Variants in PKHD1 observed in about 807,000 individuals in gnomAD.
PKHD1 encodes the protein fibrocystin.
A neutral mutation model predicts 412.0 loss-of-function variants in PKHD1; 291 were observed. The observed-to-expected ratio is 0.71, with a 90% CI of 0.64 to 0.78. PKHD1 has a LOEUF of 0.78. PKHD1 is among the 30% of genes least tolerant of loss of function. The probability of loss-of-function intolerance (pLI) is 0.00; values close to 1 mark genes in which losing one functional copy is unlikely to be tolerated. For missense variants in PKHD1, 4,825 were observed against 4,950.7 expected (o/e 0.97, Z 0.76); for synonymous variants, 1,777 against 1,821.5 (o/e 0.98, Z 0.62).
intron 36 of PKHD1, among the ~76,000 whole-genome samples, chr6:51,958,487 C>G (rs1791502225): frequency 6.6e-6 from 1 of 152,076 alleles, no homozygotes; most frequent in Non-Finnish European, 1.5e-5. Context: ...TCTGATGCCT[C>G]TTCTCTGTTT....
At chr6:51,896,795 T>C (rs1305072173) in intron 43 of PKHD1, among the ~76,000 whole-genome samples, 1 of 150,112 alleles carries the variant, frequency 6.7e-6, no homozygotes, top group Non-Finnish European at 1.5e-5. Context: ...ATAACTAGAA[T>C]AACCAATACA....
chr6:51,955,189 T>TA (rs1369748620), intron 36 of PKHD1, among the ~76,000 whole-genome samples: 2 of 144,832 alleles, frequency 1.4e-5, no homozygotes, highest in African/African-American at 5.0e-5. Context: ...ACGGTGCCCC[T>TA]AAAAAATATT....
intron 33 of PKHD1, 83 bp from the exon 34 acceptor site, chr6:52,017,712 T>A (rs1800769536): frequency 5.9e-6 from 6 of 1,016,312 alleles, no homozygotes; most frequent in Non-Finnish European, 9.4e-6. Flanking sequence ...AGTTCCTGTG[T>A]CCTCCTTTGA....
intron 51 of PKHD1, among the ~76,000 whole-genome samples, chr6:51,834,424 C>T (rs1481286462): frequency 5.3e-5 from 8 of 151,822 alleles, no homozygotes; most frequent in Non-Finnish European, 7.4e-5. Context: ...GCACTTAGTA[C>T]GGGTACATAT....
intron 37 of PKHD1, among the ~76,000 whole-genome samples, chr6:51,921,690 C>T (rs1383229244): frequency 6.6e-6 from 1 of 152,194 alleles, no homozygotes; most frequent in Non-Finnish European, 1.5e-5. Context: ...TCTTCAATCA[C>T]TGATACCCTT....
intron 34 of PKHD1, among the ~76,000 whole-genome samples, chr6:52,016,635 CAAAAAA>C (rs10579713): frequency 3.4e-5 from 4 of 118,918 alleles, no homozygotes; most frequent in Non-Finnish European, 3.4e-5. Flanking sequence ...GACTCTGTCT[CAAAAAA>C]AAAAAAAAAA....
chr6:52,069,434 T>A, intron 11 of PKHD1, 23 bp downstream of exon 11: 1 of 1,559,728 alleles, frequency 6.4e-7, no homozygotes, highest in Middle Eastern at 1.7e-4. Context: ...AGGGAAGGGG[T>A]ACTTGGTGAA....
intron 37 of PKHD1, among the ~76,000 whole-genome samples, chr6:51,921,720 G>A (rs980103274): frequency 2.0e-5 from 3 of 151,738 alleles, no homozygotes; most frequent in Non-Finnish European, 2.9e-5. Context: ...TGATTAAATC[G>A]GCTACTGAAG....
At chr6:51,822,092 A>G (rs556640791) in intron 52 of PKHD1, among the ~76,000 whole-genome samples, 1 of 152,234 alleles carries the variant, frequency 6.6e-6, no homozygotes, top group Non-Finnish European at 1.5e-5. Context: ...ACCTGAGCCT[A>G]TTAATTTAGA....
intron 16 of PKHD1, 37 bp from the exon 17 acceptor site, chr6:52,057,016 G>T: frequency 7.5e-7 from 1 of 1,326,120 alleles, no homozygotes; most frequent in Non-Finnish European, 1.1e-6. Flanking sequence ...AAATGATGGT[G>T]CTAATTAAGC....
chr6:51,632,432 T>C (rs1190040733), intron 65 of PKHD1, 133 bp downstream of exon 65: 6 of 703,616 alleles, frequency 8.5e-6, no homozygotes, highest in Admixed American at 8.0e-5. Context: ...CAATTTGGCT[T>C]TGTGTAATTT....
chr6:51,849,394 C>G (rs545553248), intron 49 of PKHD1, among the ~76,000 whole-genome samples: 29 of 152,132 alleles, frequency 1.9e-4, no homozygotes, highest in South Asian at 8.3e-4. Context: ...ATTTATAATC[C>G]TTTGGGTACA....
intron 52 of PKHD1, among the ~76,000 whole-genome samples, chr6:51,796,029 A>G (rs149284859): frequency 1.5e-3 from 230 of 152,272 alleles, no homozygotes; most frequent in African/African-American, 5.3e-3. Context: ...TCATAAAATG[A>G]GATAGGGAGG....
At position 52,046,162 on chromosome 6, in the gene PKHD1, G is replaced by T; in HGVS notation, c.2434C>A (p.His812Asn). The T allele has an allele frequency of 6.2e-7, 1 of 1,613,576 alleles. No homozygotes were observed. Among genetic ancestry groups the T allele is most frequent in the Non-Finnish European group, 8.5e-7 (1 of 1,179,476 alleles). The change falls in exon 24 of 67, where the codon CAC (histidine) becomes AAC (asparagine). Residue 812 changes from histidine to asparagine, a missense_variant. By Grantham distance (68) the His-to-Asn change is moderately conservative. Coordinates refer to ENST00000371117, the MANE Select transcript of PKHD1 (RefSeq NM_138694.4). ...TTATTCTGTAAGAGCTGGTGAAGGT[G>T]ATGAGCAGAAATTTGTACAGGGACA... ...SDVPVQISAH[H>N]LHQLLQNNAD...
At chr6:51,662,768 A>T (rs1231010548) in intron 60 of PKHD1, among the ~76,000 whole-genome samples, 2 of 151,992 alleles carry the variant, frequency 1.3e-5, no homozygotes, top group Admixed American at 1.3e-4. Context: ...GCAGAAAAAA[A>T]AGAGAAACTA....
chr6:51,711,513 T>C (rs1780660128), intron 60 of PKHD1, among the ~76,000 whole-genome samples: 1 of 152,246 alleles, frequency 6.6e-6, no homozygotes, highest in Non-Finnish European at 1.5e-5. Flanking sequence ...CCGATGGACC[T>C]GACTTCTTCA....
chr6:51,682,501 A>T (rs1338961971), intron 60 of PKHD1, among the ~76,000 whole-genome samples: 1 of 152,064 alleles, frequency 6.6e-6, no homozygotes, highest in Admixed American at 6.6e-5. Flanking sequence ...CAGAATTGGG[A>T]TGCTCTAGTC....
Position 52,054,074 on chromosome 6 carries a change from G to T in PKHD1, c.1928C>A (p.Thr643Asn). ...GGTCCTCGTGAGACTCCAGTCACAGGTGGTATTCTTTACCATGTTTTGAAA... is the reference window on the plus strand; with the variant it reads ...GGTCCTCGTGAGACTCCAGTCACAGTTGGTATTCTTTACCATGTTTTGAAA... ...IGFQNMVKNT[T>N]CDWSLTRTSP... is the part of the protein sequence containing the mutation. The change falls in exon 20 of 67, where the codon ACC (threonine) becomes AAC (asparagine). Residue 643 changes from threonine to asparagine, a missense_variant. Thr to Asn is a moderately conservative substitution (Grantham distance 65, BLOSUM62 0). Transcript: ENST00000371117. 6.2e-7 allele frequency: 1 copy of T among 1,613,846 alleles called. No homozygotes were observed. The highest frequency in any genetic ancestry group is 2.2e-5 in the East Asian group (1 of 44,870).
chr6:51,741,508 G>T (rs556125875), intron 60 of PKHD1, among the ~76,000 whole-genome samples: 1 of 152,062 alleles, frequency 6.6e-6, no homozygotes, highest in Admixed American at 6.6e-5. Context: ...ATCCCCCAAA[G>T]TCCTGACAGA....
Sources: allele counts gnomAD v4.1 joint callset (sites outside exome capture counted in the v4.1 genomes callset), GRCh38; gene constraint gnomAD v4.1.1; transcripts MANE v1.5; gene names NCBI Gene and HGNC (gene_info 2026-07-23, HGNC 2026-07-21).